Variants in TMEM273 observed in about 807,000 individuals in gnomAD.
The protein encoded by TMEM273 is transmembrane protein 273, also known as chromosome 10 open reading frame 128.
TMEM273 carries 19 observed loss-of-function variants against 17.9 expected under a neutral mutation model. The observed-to-expected ratio is 1.06, with a 90% CI of 0.74 to 1.55. TMEM273 has a LOEUF of 1.55. Among genes scored for constraint, TMEM273 ranks in the 40% most tolerant of loss-of-function variants. The pLI is 0.00. For missense variants in TMEM273, 194 were observed against 155.6 expected (o/e 1.25, Z -1.31); for synonymous variants, 66 against 62.0 (o/e 1.07, Z -0.31).
chr10:49,168,828 C>A (rs868839365), intron 1 of TMEM273, among the ~76,000 whole-genome samples: 8 of 152,124 alleles, frequency 5.3e-5, no homozygotes, highest in Non-Finnish European at 1.0e-4. Flanking sequence ...TCACAAACAG[C>A]GCCCTAAAAT....
intron 5 of TMEM273, among the ~76,000 whole-genome samples, chr10:49,164,385 G>T (rs1392580546): frequency 2.0e-5 from 3 of 152,070 alleles, no homozygotes; most frequent in Non-Finnish European, 2.9e-5. Context: ...CTCCAGCAGG[G>T]CTTTGCACCA....
chr10:49,179,010 G>A (rs1360562803), intron 1 of TMEM273, among the ~76,000 whole-genome samples: 1 of 152,156 alleles, frequency 6.6e-6, no homozygotes, highest in Non-Finnish European at 1.5e-5. Flanking sequence ...AGTTTGCAAA[G>A]GTGTGAACAG....
chr10:49,167,887 A>G, intron 2 of TMEM273, 22 bp downstream of exon 2: 1 of 1,613,854 alleles, frequency 6.2e-7, no homozygotes, highest in Non-Finnish European at 8.5e-7. Context: ...CTGTGCACAG[A>G]ATAACATGGG....
chr10:49,175,749 G>T (rs1191699897), intron 1 of TMEM273, among the ~76,000 whole-genome samples: 1 of 152,230 alleles, frequency 6.6e-6, no homozygotes, highest in African/African-American at 2.4e-5. Flanking sequence ...ATTCTGACCA[G>T]GAGTGGTGAC....
intron 5 of TMEM273, 38 bp downstream of exon 5, chr10:49,165,166 GA>G (rs1166177251): frequency 1.9e-5 from 29 of 1,519,166 alleles, no homozygotes; most frequent in Non-Finnish European, 2.6e-6. Flanking sequence ...GCCAAGCAAA[GA>G]GAAGAGAATG....
At position 49,155,138 on chromosome 10, in the gene TMEM273, TA is replaced by T. The variant is rs1393896220; in HGVS notation, c.*753del. 8 of 152,340 alleles carry T rather than the reference TA, an allele frequency of 5.3e-5. No homozygotes were observed. Among genetic ancestry groups the T allele is most frequent in the Admixed American group, 5.2e-4 (8 of 15,296 alleles). 9.4% of individuals were successfully genotyped at this position (152,340 alleles called of 1,614,324 possible). A position where few individuals can be genotyped will look rare whatever the true frequency, so the allele number is the denominator to read the frequency against. ...TTCTATGCAACAGCCATGTACATTG[TA>T]ATAATAACCACAAAATAATTGTATA... On this transcript the variant is annotated 3_prime_UTR_variant, in exon 7 of 7. Transcript: ENST00000374153.
chr10:49,178,079 G>A, intron 1 of TMEM273: 3 of 417,094 alleles, frequency 7.2e-6, no homozygotes, highest in South Asian at 5.2e-5. Context: ...CCCATCTGGG[G>A]CACTGCAGCC....
intron 1 of TMEM273, among the ~76,000 whole-genome samples, chr10:49,175,697 C>T (rs1028593185): frequency 6.6e-6 from 1 of 152,234 alleles, no homozygotes; most frequent in African/African-American, 2.4e-5. Context: ...CTAGGAGCTC[C>T]TCCAAGGGGG....
At chr10:49,160,615 T>C (rs944940627) in intron 6 of TMEM273, 3 of 152,188 alleles carry the variant, frequency 2.0e-5, no homozygotes, top group Non-Finnish European at 2.9e-5. Context: ...AATTTAAATA[T>C]GGACTGTATA....
intron 1 of TMEM273, among the ~76,000 whole-genome samples, chr10:49,168,348 C>T (rs898272381): frequency 1.3e-5 from 2 of 152,124 alleles, no homozygotes; most frequent in East Asian, 1.9e-4. Context: ...TCTGCCTGAC[C>T]CCATCTTCTT....
Position 49,159,546 on chromosome 10 carries a change from A to G in TMEM273, c.372+2053T>C, listed in dbSNP as rs552831443. Among the ~76,000 whole-genome samples the G allele has an allele frequency of 1.4e-3, 213 of 152,334 alleles. 1 individual carries two copies. Among genetic ancestry groups the G allele is most frequent in the African/African-American group, 4.6e-3 (192 of 41,572 alleles). On this transcript the variant is annotated intron_variant, in intron 6 of 6. Transcript: ENST00000374153. ...CATGGATTAGGGAAAGCTTAGGAAA[A>G]GTCTTATGATATTGAGTGTGTAATT... is the stretch of plus-strand genomic sequence containing the variant.
At chr10:49,179,333 A>T (rs1282703823) in intron 1 of TMEM273, among the ~76,000 whole-genome samples, 1 of 152,200 alleles carries the variant, frequency 6.6e-6, no homozygotes, top group African/African-American at 2.4e-5. Flanking sequence ...TGTGGCCCTC[A>T]TCAGGGATTG....
At position 49,162,737 on chromosome 10, in the gene TMEM273, G is replaced by A. The variant is rs183855596; in HGVS notation, c.349-1115C>T. 2.5e-3 allele frequency among the ~76,000 whole-genome samples: 388 copies of A among 152,252 alleles called. 2 individuals are homozygous for A. The highest frequency in any genetic ancestry group is 8.7e-3 in the African/African-American group (361 of 41,538). ...GCCCCTGAGGCCACATGGTGCCAGG[G>A]TCTTCGCCATGGCCAACACAGCCCA... On this transcript the variant is annotated intron_variant, in intron 5 of 6. Coordinates refer to ENST00000374153, the MANE Select transcript of TMEM273 (RefSeq NM_001288740.3).
At chr10:49,165,703 T>A (rs1238927388) in intron 4 of TMEM273, 63 bp downstream of exon 4, 100 of 1,600,046 alleles carry the variant, frequency 6.2e-5, no homozygotes, top group Non-Finnish European at 8.5e-5. Flanking sequence ...GGCAAGGGAG[T>A]GGCACGGTCA....
intron 5 of TMEM273, among the ~76,000 whole-genome samples, chr10:49,162,334 A>G (rs1178911675): frequency 2.0e-5 from 3 of 152,148 alleles, no homozygotes; most frequent in Non-Finnish European, 4.4e-5. Flanking sequence ...GCACACACAC[A>G]TATAGACAGG....
At chr10:49,161,698 A>G (rs1845852839) in intron 5 of TMEM273, 76 bp from the exon 6 acceptor site, 3 of 1,578,722 alleles carry the variant, frequency 1.9e-6, no homozygotes, top group South Asian at 2.2e-5. Flanking sequence ...TTGCTGCAAG[A>G]GAGTGGCTTG....
At chr10:49,178,943 G>A (rs1162043741) in intron 1 of TMEM273, among the ~76,000 whole-genome samples, 1 of 152,190 alleles carries the variant, frequency 6.6e-6, no homozygotes, top group Non-Finnish European at 1.5e-5. Context: ...TGTGGGTCCA[G>A]CTCCAGGTCC....
intron 6 of TMEM273, among the ~76,000 whole-genome samples, chr10:49,159,686 A>G (rs1416401230): frequency 6.6e-6 from 1 of 151,980 alleles, no homozygotes; most frequent in Non-Finnish European, 1.5e-5. Flanking sequence ...TTCCACAGTA[A>G]AAATTAAAAT....
Position 49,183,253 on chromosome 10 carries a change from T to C in TMEM273, c.43+5041A>G, listed in dbSNP as rs117382641. On this transcript the variant is annotated intron_variant, in intron 1 of 6. Transcript: ENST00000374153. ...AATTTCCTAAAGTTGATGATTGTAC[T>C]GTGGTATATATATTCTTAAGAAATA... Among the ~76,000 whole-genome samples, 152 of 152,294 alleles carry C rather than the reference T, an allele frequency of 1.0e-3. 1 individual carries two copies. The East Asian group carries it at 0.027, about 27-fold the overall frequency.
Sources: gnomAD v4.1 joint callset for allele counts (sites outside exome capture counted in the v4.1 genomes callset) on GRCh38, gnomAD v4.1.1 for gene constraint, MANE v1.5 for transcripts, NCBI Gene and HGNC (gene_info 2026-07-23, HGNC 2026-07-21) for gene names.